LTA4H: variants seen among roughly 807,000 people sequenced by gnomAD.
The protein encoded by LTA4H is leukotriene A-4 hydrolase.
In LTA4H, 59 loss-of-function variants were observed where a neutral mutation model predicts 89.8. The ratio of observed to expected loss-of-function variants is 0.66; its 90% CI spans 0.53 to 0.82. The LOEUF (loss-of-function observed/expected upper bound fraction) is 0.82. LTA4H is among the 40% of genes least tolerant of loss of function. The pLI, the probability that LTA4H is intolerant of heterozygous loss-of-function variation, is 0.00. For synonymous variants in LTA4H, 227 were observed against 253.1 expected, an observed-to-expected ratio of 0.90 and a Z score of 0.98; for missense variants, 617 against 727.0, an observed-to-expected ratio of 0.85 and a Z score of 1.74.
At chr12:96,034,428 A>C (rs1483261248) in intron 1 of LTA4H, among the ~76,000 whole-genome samples, 1 of 152,234 alleles carries the variant, frequency 6.6e-6, no homozygotes, top group African/African-American at 2.4e-5. Flanking sequence ...TATTCCATGA[A>C]TCTACAACCT....
In LTA4H at chr12:96,015,047, C is replaced by T. The variant is rs774295342; in HGVS notation, c.1060-48G>A. ...GAGAAACATATAGAAAGACTGCTAT[C>T]ACCACGCAAATAAGCTAATAAGGAG... On this transcript the variant is annotated intron_variant, in intron 11 of 18. Transcript: ENST00000228740. 5.1e-6 allele frequency: 8 copies of T among 1,567,254 alleles called. No individual in the cohort carries two copies. In the South Asian group the frequency reaches 8.1e-5, roughly 16 times the overall value.
chr12:96,006,203 AT>A (rs1403504579), intron 16 of LTA4H, 110 bp downstream of exon 16: 9 of 573,434 alleles, frequency 1.6e-5, no homozygotes, highest in Middle Eastern at 3.1e-4. Context: ...TTTATAAATG[AT>A]TTTTTCCCCA....
chr12:96,013,641 T>C (rs1950336174), intron 13 of LTA4H, 109 bp downstream of exon 13: 2 of 646,224 alleles, frequency 3.1e-6, no homozygotes, highest in Admixed American at 3.2e-5. Context: ...AGAGGTTGAG[T>C]CCTAAAGTTC....
chr12:96,039,110 C>T (rs1176058742), upstream of LTA4H, among the ~76,000 whole-genome samples: 1 of 151,960 alleles, frequency 6.6e-6, no homozygotes, highest in Non-Finnish European at 1.5e-5. Flanking sequence ...TAAGGCTGGG[C>T]ACAGTGGCCC....
chr12:96,003,983 T>A, intron 16 of LTA4H, 63 bp from the exon 17 acceptor site: 1 of 871,584 alleles, frequency 1.1e-6, no homozygotes, highest in Non-Finnish European at 1.8e-6. Context: ...AGAAAGGAGC[T>A]GGAGAGAAAT....
Position 96,020,100 on chromosome 12 carries a change from C to T in LTA4H, c.639-860G>A, listed in dbSNP as rs200325794. Among the ~76,000 whole-genome samples the T allele has an allele frequency of 7.9e-5, 12 of 151,904 alleles. No individual in the cohort carries two copies. The East Asian group carries it at 9.7e-4, about 12-fold the overall frequency. On this transcript the variant is annotated intron_variant, in intron 6 of 18. Transcript: ENST00000228740. ...TTATTTTTTTGTAGAGACATGATCT[C>T]ACTTATGTTGCCCGGCCTGGTCTTG...
chr12:96,024,132 C>T (rs1950486001), intron 4 of LTA4H, among the ~76,000 whole-genome samples: 1 of 151,966 alleles, frequency 6.6e-6, no homozygotes, highest in Non-Finnish European at 1.5e-5. Context: ...TGGGGTTTCA[C>T]CATGTTAGCC....
chr12:96,036,560 T>G (rs1043007266), upstream of LTA4H, among the ~76,000 whole-genome samples: 1 of 152,076 alleles, frequency 6.6e-6, no homozygotes, highest in Non-Finnish European at 1.5e-5. Flanking sequence ...TTAAAATGGC[T>G]CAATCAGAAG....
chr12:96,011,235 G>C (rs1228612582), intron 14 of LTA4H: 1 of 152,162 alleles, frequency 6.6e-6, no homozygotes, highest in Non-Finnish European at 1.5e-5. Context: ...TCCTGGAACT[G>C]TCTTTTGGCT....
Position 96,029,144 on chromosome 12 carries a change from G to T in LTA4H, c.201C>A (p.Ile67=). The T allele has an allele frequency of 6.3e-7, 1 of 1,580,244 alleles. No homozygotes were observed. Among genetic ancestry groups the T allele is most frequent in the Non-Finnish European group, 8.6e-7 (1 of 1,156,140 alleles). The change falls in exon 2 of 19, where the codon ATC becomes ATA. Residue 67 remains isoleucine (I), a synonymous_variant. Transcript: ENST00000228740. ...TKDLTIEKVV[I]NGQEVKYALG... ...GAGCATATTTGACTTCTTGTCCATT[G>T]ATCACTACTTTTTCTATTGTAAGGT...
rs763006175 is a variant in LTA4H at position 96,002,954 on chromosome 12, TCTTA to T, written c.1718+2_1718+5del. On this transcript the variant is annotated splice_donor_variant and splice_donor_5th_base_variant and intron_variant, in intron 18 of 18. Coordinates refer to ENST00000228740, the MANE Select transcript of LTA4H (RefSeq NM_000895.3). LOFTEE classifies it high-confidence loss of function. Reference sequence around the variant, plus strand: ...AATTCAAAGTACGGTCTGAGTGGGTTCTTACTTGAATAAGGGCCGGGTAAACTTC... The same window carrying T: ...AATTCAAAGTACGGTCTGAGTGGGTTCTTGAATAAGGGCCGGGTAAACTTC... The T allele has an allele frequency of 6.3e-7, 1 of 1,584,074 alleles. No individual in the cohort carries two copies. The highest frequency in any genetic ancestry group is 1.1e-5 in the South Asian group (1 of 87,468).
At chr12:96,037,996 G>C (rs903496561), upstream of LTA4H, among the ~76,000 whole-genome samples, 1 of 152,056 alleles carries the variant, frequency 6.6e-6, no homozygotes, top group Non-Finnish European at 1.5e-5. Flanking sequence ...GGCCGAGAAA[G>C]AATTTTTTTA....
intron 16 of LTA4H, among the ~76,000 whole-genome samples, chr12:96,004,301 T>A (rs1300138459): frequency 6.6e-6 from 1 of 152,218 alleles, no homozygotes; most frequent in East Asian, 1.9e-4. Context: ...GTTCCTTAAT[T>A]TTTGCCTGAT....
At chr12:96,008,030 G>A (rs1950231457) in intron 15 of LTA4H, among the ~76,000 whole-genome samples, 1 of 152,160 alleles carries the variant, frequency 6.6e-6, no homozygotes, top group East Asian at 1.9e-4. Context: ...GGACATAAAA[G>A]TGGCAACAAT....
intron 3 of LTA4H, among the ~76,000 whole-genome samples, chr12:96,026,159 C>T (rs1263565588): frequency 6.6e-6 from 1 of 152,186 alleles, no homozygotes; most frequent in Non-Finnish European, 1.5e-5. Context: ...AAATAGATTT[C>T]CAAGACCATG....
intron 14 of LTA4H, chr12:96,010,497 T>A (rs2540497): frequency 0.17 from 25,836 of 151,988 alleles, 2,906 homozygotes; most frequent in Non-Finnish European, 0.26. Flanking sequence ...TGAGCTGAGA[T>A]TGGAATTAAC....
At chr12:96,004,392 AT>A (rs1376810781) in intron 16 of LTA4H, among the ~76,000 whole-genome samples, 1 of 152,108 alleles carries the variant, frequency 6.6e-6, no homozygotes, top group African/African-American at 2.4e-5. Context: ...CAGTTCTTAA[AT>A]GTTTGTATTA....
Position 96,034,797 on chromosome 12 carries a change from G to T in LTA4H, c.159+564C>A, listed in dbSNP as rs577882444. 7.2e-5 allele frequency among the ~76,000 whole-genome samples: 11 copies of T among 152,326 alleles called. No individual in the cohort carries two copies. The East Asian group carries it at 1.9e-3, about 27-fold the overall frequency. ...ATGGGTGGTGCCCTGCAGACCTGTG[G>T]ATTGAAATAAGTGTTCCCGGGAGGC... On this transcript the variant is annotated intron_variant, in intron 1 of 18. Coordinates refer to ENST00000228740, the MANE Select transcript of LTA4H (RefSeq NM_000895.3).
Position 96,035,463 on chromosome 12 carries a change from G to C in LTA4H, c.57C>G (p.Thr19=). The C allele has an allele frequency of 1.2e-6, 2 of 1,609,530 alleles. No individual in the cohort carries two copies. Among genetic ancestry groups the C allele is most frequent in the Non-Finnish European group, 8.5e-7 (1 of 1,178,036 alleles). The change falls in exon 1 of 19, where the codon ACC becomes ACG. Residue 19 remains threonine, a synonymous_variant. Transcript: ENST00000228740. ...SLASPASVCR[T]KHLHLRCSVD... is the part of the protein sequence containing the mutation. ...CGCTGCAGCGCAGGTGCAGGTGCTT[G>C]GTCCGGCAGACGGAAGCCGGAGAGG...
Sources: gnomAD v4.1 joint callset for allele counts (sites outside exome capture counted in the v4.1 genomes callset) on GRCh38, gnomAD v4.1.1 for gene constraint, MANE v1.5 for transcripts, NCBI Gene and HGNC (gene_info 2026-07-23, HGNC 2026-07-21) for gene names.